Variants in ASH1L observed in about 807,000 individuals in gnomAD.
The protein encoded by ASH1L is ASH1 like histone lysine methyltransferase, also known as histone-lysine N-methyltransferase ASH1L.
In ASH1L, 23 loss-of-function variants were observed where a neutral mutation model predicts 269.0. The observed-to-expected ratio is 0.09, with a 90% confidence interval of 0.06 to 0.12. The LOEUF is 0.12. Ranked by LOEUF, ASH1L falls within the 10% of genes least tolerant of loss-of-function variation. The probability of loss-of-function intolerance (pLI) is 1.00; values close to 1 mark genes in which losing one functional copy is unlikely to be tolerated. For missense variants in ASH1L, 2,912 were observed against 3,567.8 expected, an observed-to-expected ratio of 0.82 and a Z score of 4.68; for synonymous variants, 1,187 against 1,253.5, an observed-to-expected ratio of 0.95 and a Z score of 1.12.
intron 5 of ASH1L, among the ~76,000 whole-genome samples, chr1:155,421,283 A>T (rs1178127599): frequency 1.4e-5 from 2 of 139,278 alleles, no homozygotes; most frequent in Admixed American, 7.3e-5. Context: ...CCCCAAACTG[A>T]TCTATAGATC....
At chr1:155,487,990 C>A (rs1666442683) in intron 2 of ASH1L, among the ~76,000 whole-genome samples, 1 of 151,744 alleles carries the variant, frequency 6.6e-6, no homozygotes, top group African/African-American at 2.4e-5. Context: ...CGGGTCCAAG[C>A]AATTCTCTGC....
intron 2 of ASH1L, among the ~76,000 whole-genome samples, chr1:155,510,873 A>C (rs769960447): frequency 5.3e-5 from 8 of 152,170 alleles, no homozygotes; most frequent in Non-Finnish European, 1.2e-4. Flanking sequence ...ACAGAACAAA[A>C]ATTTTCACTG....
At chr1:155,408,835 G>A (rs2148518694) in intron 6 of ASH1L, among the ~76,000 whole-genome samples, 1 of 151,766 alleles carries the variant, frequency 6.6e-6, no homozygotes, top group African/African-American at 2.4e-5. Flanking sequence ...GGCAACATAG[G>A]GAGACCCTGT....
intron 7 of ASH1L, 141 bp downstream of exon 7, chr1:155,395,318 G>T: frequency 1.6e-6 from 1 of 608,898 alleles, no homozygotes; most frequent in Non-Finnish European, 2.7e-6. Context: ...ATTCTTCAGA[G>T]TAAGTTTAAG....
chr1:155,535,336 T>G (rs912141477), intron 1 of ASH1L, among the ~76,000 whole-genome samples: 2 of 151,980 alleles, frequency 1.3e-5, no homozygotes, highest in African/African-American at 2.4e-5. Flanking sequence ...CTCAAATGAT[T>G]CTCTCACCTC....
At chr1:155,423,953 C>T (rs1231708275) in intron 5 of ASH1L, among the ~76,000 whole-genome samples, 1 of 152,114 alleles carries the variant, frequency 6.6e-6, no homozygotes, top group East Asian at 1.9e-4. Context: ...TCTCGAACTC[C>T]TGACCCCATG....
chr1:155,410,598 C>T (rs552429478), intron 6 of ASH1L, among the ~76,000 whole-genome samples: 19 of 152,200 alleles, frequency 1.2e-4, no homozygotes, highest in Non-Finnish European at 2.6e-4. Flanking sequence ...CTCCAGCCGC[C>T]TAAAGTGCTG....
At chr1:155,423,843 C>T (rs1660916458) in intron 5 of ASH1L, among the ~76,000 whole-genome samples, 1 of 152,164 alleles carries the variant, frequency 6.6e-6, no homozygotes, top group African/African-American at 2.4e-5. Flanking sequence ...AATTAACCTG[C>T]CTCAGCCTCC....
At chr1:155,406,936 G>C (rs1047841971) in intron 6 of ASH1L, among the ~76,000 whole-genome samples, 1 of 152,054 alleles carries the variant, frequency 6.6e-6, no homozygotes, top group Non-Finnish European at 1.5e-5. Context: ...CACATGAAAA[G>C]ACAGTTAAAA....
intron 3 of ASH1L, among the ~76,000 whole-genome samples, chr1:155,470,875 C>T (rs1665045501): frequency 6.6e-6 from 1 of 152,040 alleles, no homozygotes; most frequent in South Asian, 2.1e-4. Context: ...TAACTGTTTG[C>T]TGAAAGAACA....
chr1:155,378,449 C>T, intron 9 of ASH1L, 54 bp downstream of exon 9: 1 of 1,609,432 alleles, frequency 6.2e-7, no homozygotes, highest in Non-Finnish European at 8.5e-7. Flanking sequence ...AAGTGCTAGG[C>T]TCAGAAGAAC....
At chr1:155,453,114 G>C (rs571656211) in intron 4 of ASH1L, among the ~76,000 whole-genome samples, 16 of 152,262 alleles carry the variant, frequency 1.1e-4, no homozygotes, top group African/African-American at 3.4e-4. Flanking sequence ...CAGCACTTTG[G>C]GGGGCCGAGG....
intron 13 of ASH1L, 92 bp downstream of exon 13, chr1:155,360,209 G>C: frequency 2.3e-6 from 2 of 867,184 alleles, no homozygotes; most frequent in Non-Finnish European, 3.8e-6. Context: ...CTTCTTAATG[G>C]CTCCAAGTCA....
rs766848259 is a variant in ASH1L at position 155,346,444 on chromosome 1, C to T, written c.7829G>A (p.Gly2610Glu). The change falls in exon 21 of 28, where the codon GGA (glycine) becomes GAA (glutamate). Residue 2610 changes from glycine to glutamate, a missense_variant. By Grantham distance (98) the Gly-to-Glu change is moderately conservative (BLOSUM62 -2). This residue lies in a region of ASH1L where 179 missense variants were observed against 293.8 expected (regional missense o/e 0.61). Coordinates refer to ENST00000392403, the MANE Select transcript of ASH1L (RefSeq NM_018489.3). ...GTAGTGCTCCACATCTGAGTTCACT[C>T]CCATACAATCACAGTGCTGCCATAC... Reference protein sequence around the residue: ...CMVWQHCDCMGVNSDVEHYLC... With the variant: ...CMVWQHCDCMEVNSDVEHYLC... 12 of 1,614,028 alleles carry T rather than the reference C, an allele frequency of 7.4e-6. No individual in the cohort carries two copies. The South Asian group carries it at 1.2e-4, about 16-fold the overall frequency.
chr1:155,370,345 T>G, intron 12 of ASH1L, 159 bp downstream of exon 12: 3 of 815,644 alleles, frequency 3.7e-6, no homozygotes, highest in Non-Finnish European at 5.8e-6. Flanking sequence ...GAAGTTAGGG[T>G]GAAAACGAAG....
intron 10 of ASH1L, among the ~76,000 whole-genome samples, chr1:155,374,870 C>G (rs551171693): frequency 8.5e-4 from 129 of 152,260 alleles, no homozygotes; most frequent in African/African-American, 2.9e-3. Context: ...GCCTGGAGTA[C>G]AGTGGCGTGA....
Position 155,480,602 on chromosome 1 carries a change from C to T in ASH1L, c.2268G>A (p.Glu756=). The T allele has an allele frequency of 6.2e-7, 1 of 1,614,100 alleles. No homozygotes were observed. The highest frequency in any genetic ancestry group is 8.5e-7 in the Non-Finnish European group (1 of 1,179,984). The change falls in exon 3 of 28, where the codon GAG becomes GAA. Residue 756 remains glutamate, a synonymous_variant. Coordinates refer to ENST00000392403, the MANE Select transcript of ASH1L (RefSeq NM_018489.3). ...CAATGTTTTTCATAAACTTGGCTGG[C>T]TCAGAATTACTATTTGATAGTGAGC... ...SCSSLSNSNS[E]PAKFMKNIGP...
chr1:155,513,572 A>G (rs1191134681), intron 2 of ASH1L, among the ~76,000 whole-genome samples: 3 of 127,328 alleles, frequency 2.4e-5, no homozygotes, highest in Admixed American at 1.5e-4. Flanking sequence ...ATCCTGTATC[A>G]AAAAAAAAAA....
intron 2 of ASH1L, among the ~76,000 whole-genome samples, chr1:155,488,299 G>A (rs1666465844): frequency 6.6e-6 from 1 of 151,926 alleles, no homozygotes; most frequent in Non-Finnish European, 1.5e-5. Flanking sequence ...CAGATAATTT[G>A]ATGTTGGTTT....
Sources: gnomAD v4.1 joint callset for allele counts (sites outside exome capture counted in the v4.1 genomes callset) on GRCh38, gnomAD v4.1.1 for gene constraint, gnomAD v4.1.1 regional missense constraint, MANE v1.5 for transcripts, NCBI Gene and HGNC (gene_info 2026-07-23, HGNC 2026-07-21) for gene names.